Variants in SH3BP4 observed in about 807,000 individuals in gnomAD.
SH3BP4 encodes the protein SH3 domain binding protein 4, also known as SH3 domain-binding protein 4.
In SH3BP4, 33 loss-of-function variants were observed where a neutral mutation model predicts 65.5. The observed-to-expected ratio is 0.50, with a 90% CI of 0.38 to 0.67. The LOEUF is 0.67. Among genes scored for constraint, SH3BP4 ranks in the 30% least tolerant of loss-of-function variants. The pLI, the probability that SH3BP4 is intolerant of heterozygous loss-of-function variation, is 0.00. For missense variants in SH3BP4, 1,134 were observed against 1,261.4 expected (o/e 0.90, Z 1.53); for synonymous variants, 552 against 545.5 (o/e 1.01, Z -0.17).
In SH3BP4 at chr2:234,952,734, A is replaced by T. The variant is rs976826990; in HGVS notation, c.-207+564A>T. The T allele has an allele frequency of 1.3e-5, 2 of 152,086 alleles. No individual in the cohort carries two copies. Among genetic ancestry groups the T allele is most frequent in the African/African-American group, 4.8e-5 (2 of 41,428 alleles). The allele number at this position is 152,086 out of a possible 1,614,324, so 9.4% of individuals were successfully genotyped here. On this transcript the variant is annotated intron_variant, in intron 1 of 5. Coordinates refer to ENST00000392011, the MANE Select transcript of SH3BP4 (RefSeq NM_014521.3). The surrounding 1 kb of genome is among the most constrained non-coding windows in gnomAD (Gnocchi z 6.5). The stretch of plus-strand genomic sequence containing the variant: ...TCGGAGATCCCTCCTGTGAGGATGA[A>T]ATTGAAAACTCCGGTTTCTGGCTTG...
chr2:235,052,538 C>T lies in SH3BP4; in HGVS notation c.2479-24C>T, dbSNP rs1247075401. The T allele has an allele frequency of 3.9e-6, 6 of 1,529,046 alleles. No homozygotes were observed. The highest frequency in any genetic ancestry group is 2.5e-5 in the East Asian group (1 of 40,556). 94.7% of individuals were successfully genotyped at this position (1,529,046 alleles called of 1,614,324 possible). On this transcript the variant is annotated intron_variant, in intron 4 of 5. Transcript: ENST00000392011. This position sits in a 1 kb window ranked among gnomAD's most constrained non-coding sequence, Gnocchi z 5.0. ...CTGCCCCACTCCCTACACTGTCTCA[C>T]GCTGTGTGCCTCTTCCTCTGCAGGC...
chr2:235,045,376 T>A lies in SH3BP4; in HGVS notation c.2478+2129T>A, dbSNP rs981141270. 6.6e-6 allele frequency among the ~76,000 whole-genome samples: 1 copy of A among 152,218 alleles called. No homozygotes were observed. The highest frequency in any genetic ancestry group is 1.5e-5 in the Non-Finnish European group (1 of 68,042). ...TTTTACACTCATTTTCCTGCTTTTT[T>A]ATCTTTTTCCAAAAGACATAAATGA... On this transcript the variant is annotated intron_variant, in intron 4 of 5. Coordinates refer to ENST00000392011, the MANE Select transcript of SH3BP4 (RefSeq NM_014521.3). This position sits in a 1 kb window ranked among gnomAD's most constrained non-coding sequence, Gnocchi z 4.3.
chr2:235,043,342 AAGTCACCAGGAC>A, intron 4 of SH3BP4, 95 bp downstream of exon 4: 1 of 955,650 alleles, frequency 1.0e-6, no homozygotes, highest in South Asian at 1.8e-5. Flanking sequence ...GTGGTGTCGT[AAGTCACCAGGAC>A]AGTGTCTGTG....
In SH3BP4 at chr2:235,026,318, T is replaced by A. The variant is rs995891546; in HGVS notation, c.-132-8553T>A. ...ACTCCAGCCGCGCTAGCCATCTCAC[T>A]TTTTACAATAAAAACTGAGCAAGCA... is the stretch of plus-strand genomic sequence containing the variant. On this transcript the variant is annotated intron_variant, in intron 2 of 5. Coordinates refer to ENST00000392011, the MANE Select transcript of SH3BP4 (RefSeq NM_014521.3). This position sits in a 1 kb window ranked among gnomAD's most constrained non-coding sequence, Gnocchi z 4.6. 1.3e-5 allele frequency among the ~76,000 whole-genome samples: 2 copies of A among 152,148 alleles called. No homozygotes were observed. Among genetic ancestry groups the A allele is most frequent in the Non-Finnish European group, 2.9e-5 (2 of 68,024 alleles).
chr2:235,041,358 G>T lies in SH3BP4; in HGVS notation c.589G>T (p.Ala197Ser). Residue 197 changes from alanine (A) to serine (S), a missense_variant, in exon 4 of 6, where the codon GCA becomes TCA. Ala to Ser is a moderately conservative substitution (Grantham distance 99). Transcript: ENST00000392011. This position sits in a 1 kb window ranked among gnomAD's most constrained non-coding sequence, Gnocchi z 6.0. Reference sequence around the variant, plus strand: ...TACTGTGGATTTGCTCCTTTTTGACGCAGGTACATCCTCCTTCACCGAATC... The same window carrying T: ...TACTGTGGATTTGCTCCTTTTTGACTCAGGTACATCCTCCTTCACCGAATC... Reference protein sequence around the residue: ...KSTVDLLLFDAGTSSFTESSS... With the variant: ...KSTVDLLLFDSGTSSFTESSS... The T allele has an allele frequency of 6.2e-7, 1 of 1,613,976 alleles. No individual in the cohort carries two copies. The highest frequency in any genetic ancestry group is 8.5e-7 in the Non-Finnish European group (1 of 1,179,992).
At chr2:234,953,127 A>C (rs1692514062) in intron 1 of SH3BP4, 1 of 152,258 alleles carries the variant, frequency 6.6e-6, no homozygotes, top group East Asian at 1.9e-4. Context: ...ATTCTTTCCA[A>C]GTTAGTAGGC....
chr2:235,008,114 C>G (rs1694357017), intron 2 of SH3BP4, among the ~76,000 whole-genome samples: 1 of 152,186 alleles, frequency 6.6e-6, no homozygotes, highest in African/African-American at 2.4e-5. Context: ...CCTCTCCAGA[C>G]TGGGTGGGAA....
At chr2:235,049,380 T>G (rs988311765) in intron 4 of SH3BP4, among the ~76,000 whole-genome samples, 1 of 152,198 alleles carries the variant, frequency 6.6e-6, no homozygotes, top group Non-Finnish European at 1.5e-5. Flanking sequence ...TGAGGCCACT[T>G]TGGAGCCAGG....
At chr2:235,004,226 C>T (rs918962268) in intron 2 of SH3BP4, among the ~76,000 whole-genome samples, 2 of 152,202 alleles carry the variant, frequency 1.3e-5, no homozygotes, top group African/African-American at 4.8e-5. Context: ...GTTCTCTGTG[C>T]ATGTGCATAA....
At chr2:234,955,155 C>T (rs1692557467) in intron 1 of SH3BP4, among the ~76,000 whole-genome samples, 1 of 152,086 alleles carries the variant, frequency 6.6e-6, no homozygotes, top group Non-Finnish European at 1.5e-5. Flanking sequence ...GCGAGGTAGC[C>T]GCCTGACAAC....
chr2:235,040,096 A>G (rs761420587), intron 3 of SH3BP4, among the ~76,000 whole-genome samples: 1 of 152,132 alleles, frequency 6.6e-6, no homozygotes, highest in Non-Finnish European at 1.5e-5. Context: ...TTAGCCAGGC[A>G]TGGTGGCACA....
chr2:235,053,717 C>T lies in SH3BP4; in HGVS notation c.2793C>T (p.Arg931=), dbSNP rs772950740. 7 of 1,614,236 alleles carry T rather than the reference C, an allele frequency of 4.3e-6. No individual in the cohort carries two copies. The highest frequency in any genetic ancestry group is 5.9e-6 in the Non-Finnish European group (7 of 1,180,050). ...AGATGAAAAACCCCATCACCAAGCG[C>T]TGGAAGCACCTCACTGGGACTCTGA... ...LDKMKNPITK[R]WKHLTGTLIL... is the part of the protein sequence containing the mutation. Residue 931 remains arginine (R), a synonymous_variant, in exon 6 of 6, where the codon CGC becomes CGT. Coordinates refer to ENST00000392011, the MANE Select transcript of SH3BP4 (RefSeq NM_014521.3).
intron 2 of SH3BP4, among the ~76,000 whole-genome samples, chr2:235,013,381 G>T (rs1694581178): frequency 6.6e-6 from 1 of 152,188 alleles, no homozygotes; most frequent in African/African-American, 2.4e-5. Flanking sequence ...CAGTCCATGT[G>T]CTTCCCAGCA....
At chr2:234,961,030 G>A (rs577949970) in intron 1 of SH3BP4, among the ~76,000 whole-genome samples, 32 of 152,332 alleles carry the variant, frequency 2.1e-4, no homozygotes, top group African/African-American at 7.7e-4. Flanking sequence ...GGACATCACA[G>A]TGGGAAAGAG....
At chr2:235,009,004 G>A (rs1694390298) in intron 2 of SH3BP4, among the ~76,000 whole-genome samples, 1 of 152,200 alleles carries the variant, frequency 6.6e-6, no homozygotes, top group Admixed American at 6.5e-5. Flanking sequence ...TGGACGGACA[G>A]CTTGTGTTCT....
intron 2 of SH3BP4, among the ~76,000 whole-genome samples, chr2:234,999,192 C>T (rs1287660821): frequency 6.6e-6 from 1 of 152,208 alleles, no homozygotes; most frequent in African/African-American, 2.4e-5. Flanking sequence ...CTAAGAACGG[C>T]GCCTGCCTTC....
Position 235,045,034 on chromosome 2 carries a change from T to C in SH3BP4, c.2478+1787T>C, listed in dbSNP as rs1261061775. ...TGTGGGGTCACCTGCAGGGAGGGGA[T>C]GGCCTGCGTCCCTCCCATCAGCCAT... On this transcript the variant is annotated intron_variant, in intron 4 of 5. Transcript: ENST00000392011. This position sits in a 1 kb window ranked among gnomAD's most constrained non-coding sequence, Gnocchi z 4.3. Among the ~76,000 whole-genome samples, 21 of 152,124 alleles carry C rather than the reference T, an allele frequency of 1.4e-4. No homozygotes were observed. Among genetic ancestry groups the C allele is most frequent in the Non-Finnish European group, 1.5e-5 (1 of 68,020 alleles).
intron 4 of SH3BP4, among the ~76,000 whole-genome samples, chr2:235,050,889 C>T (rs185725157): frequency 2.0e-5 from 3 of 152,192 alleles, no homozygotes; most frequent in Admixed American, 6.5e-5. Flanking sequence ...CCTAAAATGA[C>T]AACCTCAGGT....
Position 235,030,664 on chromosome 2 carries a change from G to C in SH3BP4, c.-132-4207G>C, listed in dbSNP as rs1245106053. Among the ~76,000 whole-genome samples the C allele has an allele frequency of 6.6e-6, 1 of 152,132 alleles. No homozygotes were observed. Among genetic ancestry groups the C allele is most frequent in the Non-Finnish European group, 1.5e-5 (1 of 68,010 alleles). ...GAGGAGGAGGGGTGGGAGGGGAGAG[G>C]ATTCTGCTGTAGGAAAGAGGACAGA... On this transcript the variant is annotated intron_variant, in intron 2 of 5. Coordinates refer to ENST00000392011, the MANE Select transcript of SH3BP4 (RefSeq NM_014521.3). This position sits in a 1 kb window ranked among gnomAD's most constrained non-coding sequence, Gnocchi z 4.1.
Sources: allele counts gnomAD v4.1 joint callset (sites outside exome capture counted in the v4.1 genomes callset), GRCh38; gene constraint gnomAD v4.1.1; non-coding constraint Gnocchi (gnomAD v3.1); transcripts MANE v1.5; gene names NCBI Gene and HGNC (gene_info 2026-07-23, HGNC 2026-07-21).